KLRB1: variants seen among roughly 807,000 people sequenced by gnomAD.
The protein encoded by KLRB1 is killer cell lectin like receptor B1, also known as killer cell lectin-like receptor subfamily B member 1.
KLRB1 carries 27 observed loss-of-function variants against 33.5 expected under a neutral mutation model. The ratio of observed to expected loss-of-function variants is 0.81; its 90% CI spans 0.59 to 1.11. The LOEUF is 1.11. KLRB1 is among the 50% of genes most tolerant of loss of function. The probability of loss-of-function intolerance (pLI) is 0.00; values close to 1 mark genes in which losing one functional copy is unlikely to be tolerated. For synonymous variants in KLRB1, 64 were observed against 88.9 expected, an observed-to-expected ratio of 0.72 and a Z score of 1.58; for missense variants, 241 against 254.1, an observed-to-expected ratio of 0.95 and a Z score of 0.35.
At chr12:9,607,382 T>TTCTTTCTTTCTC (rs1864629466) in intron 1 of KLRB1, among the ~76,000 whole-genome samples, 1 of 94,154 alleles carries the variant, frequency 1.1e-5, no homozygotes, top group Non-Finnish European at 2.4e-5. Context: ...CTTTCTTTCT[T>TTCTTTCTTTCTC]TCTTTCTTTC....
chr12:9,603,556 C>T (rs1239748232), intron 1 of KLRB1, among the ~76,000 whole-genome samples: 8 of 151,648 alleles, frequency 5.3e-5, no homozygotes, highest in African/African-American at 1.7e-4. Flanking sequence ...TCCCGAGTAG[C>T]TGGGATTACA....
In KLRB1 at chr12:9,607,807, GT is replaced by G. The variant is rs1208634550; in HGVS notation, c.32del (p.Asn11ThrfsTer31). The G allele has an allele frequency of 3.1e-6, 5 of 1,613,712 alleles. No individual in the cohort carries two copies. The highest frequency in any genetic ancestry group is 4.2e-6 in the Non-Finnish European group (5 of 1,179,668). On this transcript the variant is annotated frameshift_variant, in exon 1 of 6. Coordinates refer to ENST00000229402, the MANE Select transcript of KLRB1 (RefSeq NM_002258.3). LOFTEE classifies it high-confidence loss of function. ...TTTCTGGGCCTGAGTCTGTGGGTAA[GT>G]TTAACTCAGCATATATTGCTTGTTG... is the stretch of plus-strand genomic sequence containing the variant. The part of the protein sequence containing the change: MDQQAIYAEL[N>X]LPTDSGPESS...
Position 9,595,144 on chromosome 12 carries a change from G to T in KLRB1, c.*130C>A. The T allele has an allele frequency of 1.4e-6, 1 of 690,214 alleles. No homozygotes were observed. The highest frequency in any genetic ancestry group is 2.5e-6 in the Non-Finnish European group (1 of 405,716). 42.8% of individuals were successfully genotyped at this position (690,214 alleles called of 1,614,324 possible). On this transcript the variant is annotated 3_prime_UTR_variant, in exon 6 of 6. Coordinates refer to ENST00000229402, the MANE Select transcript of KLRB1 (RefSeq NM_002258.3). ...ATGAACTTCTGTAAGATTCATAACA[G>T]TTGTCAATTCTCAGAATTGTTCACT...
chr12:9,605,240 A>G (rs896481679), intron 1 of KLRB1, among the ~76,000 whole-genome samples: 2 of 152,168 alleles, frequency 1.3e-5, no homozygotes, highest in African/African-American at 4.8e-5. Flanking sequence ...TCTATCAATG[A>G]TGGACATTTG....
At position 9,595,408 on chromosome 12, in the gene KLRB1, C is replaced by T. The variant is rs1445685574; in HGVS notation, c.544G>A (p.Gly182Ser). The T allele has an allele frequency of 5.0e-6, 8 of 1,612,384 alleles. No homozygotes were observed. The highest frequency in any genetic ancestry group is 6.8e-6 in the Non-Finnish European group (8 of 1,179,506). The part of the protein sequence containing the change: ...FLNSNDLEIR[G>S]DAKENSCISI... ...ATACAGCTGTTTTCTTTAGCATCAC[C>T]TCTAATTTCTAAGCTGTGGAGCAAA... Residue 182 changes from glycine to serine, a missense_variant, in exon 6 of 6, where the codon GGT becomes AGT. Coordinates refer to ENST00000229402, the MANE Select transcript of KLRB1 (RefSeq NM_002258.3).
At chr12:9,604,905 T>C (rs1261053002) in intron 1 of KLRB1, among the ~76,000 whole-genome samples, 1 of 152,140 alleles carries the variant, frequency 6.6e-6, no homozygotes, top group African/African-American at 2.4e-5. Flanking sequence ...TTGTTACATA[T>C]GTATACATGT....
At position 9,607,806 on chromosome 12, in the gene KLRB1, A is replaced by G. The variant is rs769597165; in HGVS notation, c.34T>C (p.Leu12=). 3 of 1,613,774 alleles carry G rather than the reference A, an allele frequency of 1.9e-6. No homozygotes were observed. Among genetic ancestry groups the G allele is most frequent in the South Asian group, 1.1e-5 (1 of 91,060 alleles). The change falls in exon 1 of 6, where the codon TTA becomes CTA. Residue 12 remains leucine (L), a synonymous_variant. Coordinates refer to ENST00000229402, the MANE Select transcript of KLRB1 (RefSeq NM_002258.3). The part of the protein sequence containing the change: ...DQQAIYAELN[L]PTDSGPESSS... ...CTTTCTGGGCCTGAGTCTGTGGGTA[A>G]GTTTAACTCAGCATATATTGCTTGT...
At chr12:9,607,362 T>TTCTTTCTC (rs1864626881) in intron 1 of KLRB1, among the ~76,000 whole-genome samples, 1 of 78,784 alleles carries the variant, frequency 1.3e-5, no homozygotes, top group African/African-American at 3.8e-5. Context: ...CTTCCTTTCT[T>TTCTTTCTC]TCTTTCTTTC....
chr12:9,601,001 A>G (rs1864535303), intron 2 of KLRB1, among the ~76,000 whole-genome samples: 1 of 144,150 alleles, frequency 6.9e-6, no homozygotes, highest in African/African-American at 2.5e-5. Context: ...CTCGGTATAA[A>G]ACCCGATTGT....
At chr12:9,606,808 G>A (rs1288072422) in intron 1 of KLRB1, among the ~76,000 whole-genome samples, 4 of 138,296 alleles carry the variant, frequency 2.9e-5, no homozygotes, top group Non-Finnish European at 6.1e-5. Flanking sequence ...CCAGGCTGGA[G>A]TACAGTGGCA....
chr12:9,601,740 C>T, intron 1 of KLRB1, 141 bp from the exon 2 acceptor site: 1 of 619,108 alleles, frequency 1.6e-6, no homozygotes, highest in South Asian at 1.8e-5. Context: ...GGGATGGGGG[C>T]AGGGAACAAC....
At position 9,598,139 on chromosome 12, in the gene KLRB1, C is replaced by T. The variant is rs146949020; in HGVS notation, c.437G>A (p.Arg146His). The change falls in exon 5 of 6, where the codon CGT becomes CAT. Residue 146 changes from arginine to histidine, a missense_variant. Physicochemically the swap from Arg to His is conservative, Grantham distance 29. Transcript: ENST00000229402. ...AATCCAAAACAGAATTGCTTTGTCA[C>T]GTATCAGGTTCTGTGTGTGTATCTA... ...DELIHTQNLIRDKAILFWIGL... is the reference protein window; with the variant it reads ...DELIHTQNLIHDKAILFWIGL... 38 of 1,604,874 alleles carry T rather than the reference C, an allele frequency of 2.4e-5. No individual in the cohort carries two copies. The Middle Eastern group carries it at 4.9e-4, about 21-fold the overall frequency.
chr12:9,597,888 T>C (rs1565441923), intron 5 of KLRB1, among the ~76,000 whole-genome samples, 158 bp downstream of exon 5: 1 of 152,188 alleles, frequency 6.6e-6, no homozygotes, highest in Non-Finnish European at 1.5e-5. Context: ...TATAGAACTT[T>C]CCAACCAACT....
chr12:9,596,406 T>C (rs897035703), intron 5 of KLRB1, among the ~76,000 whole-genome samples: 1 of 152,198 alleles, frequency 6.6e-6, no homozygotes, highest in African/African-American at 2.4e-5. Context: ...AACAATTCCT[T>C]TTCCAAAAGG....
At position 9,598,067 on chromosome 12, in the gene KLRB1, C is replaced by G; in HGVS notation, c.509G>C (p.Gly170Ala). The change falls in exon 5 of 6, where the codon GGC (glycine) becomes GCC (alanine). Residue 170 changes from glycine (G) to alanine (A), a missense_variant. Gly to Ala is a moderately conservative substitution (Grantham distance 60). Transcript: ENST00000229402. ...TCACTCATTAGAATTTAAAAAAGAG[C>G]CGTTTATCCACTTCCAGTTCTTTTC... ...LSEKNWKWINGSFLNSNDLEI... is the reference protein window; with the variant it reads ...LSEKNWKWINASFLNSNDLEI... The G allele has an allele frequency of 6.5e-7, 1 of 1,541,428 alleles. No individual in the cohort carries two copies. Among genetic ancestry groups the G allele is most frequent in the Non-Finnish European group, 8.9e-7 (1 of 1,128,588 alleles).
chr12:9,607,333 T>C (rs1864620855), intron 1 of KLRB1, among the ~76,000 whole-genome samples: 5 of 24,964 alleles, frequency 2.0e-4, no homozygotes, highest in African/African-American at 2.5e-4. Flanking sequence ...TTCTCTTTCT[T>C]TCCTTTCTTT....
chr12:9,607,663 C>G, intron 1 of KLRB1, 92 bp downstream of exon 1: 1 of 880,894 alleles, frequency 1.1e-6, no homozygotes, highest in Admixed American at 1.9e-5. Flanking sequence ...TACTGCTCAT[C>G]TTTAAAGCAA....
At chr12:9,606,752 A>ATTTTT (rs1864608569) in intron 1 of KLRB1, among the ~76,000 whole-genome samples, 1 of 29,918 alleles carries the variant, frequency 3.3e-5, no homozygotes, top group Non-Finnish European at 5.9e-5. Context: ...ATATATATAT[A>ATTTTT]TATATATATT....
rs1416329716 is a variant in KLRB1, at chr12:9,598,151, T to C, written c.425A>G (p.Gln142Arg). The C allele has an allele frequency of 6.3e-7, 1 of 1,597,504 alleles. No individual in the cohort carries two copies. Among genetic ancestry groups the C allele is most frequent in the Non-Finnish European group, 8.6e-7 (1 of 1,166,384 alleles). The change falls in exon 5 of 6, where the codon CAG becomes CGG. Residue 142 changes from glutamine to arginine, a missense_variant. Gln to Arg is a conservative substitution (Grantham distance 43, BLOSUM62 1). Transcript: ENST00000229402. ...AATTGCTTTGTCACGTATCAGGTTC[T>C]GTGTGTGTATCTATAAATGGAACAG... ...IRDKDELIHT[Q>R]NLIRDKAILF...
Sources: allele counts gnomAD v4.1 joint callset (sites outside exome capture counted in the v4.1 genomes callset), GRCh38; gene constraint gnomAD v4.1.1; transcripts MANE v1.5; gene names NCBI Gene and HGNC (gene_info 2026-07-23, HGNC 2026-07-21).